Variants in TCERG1L observed in about 807,000 individuals in gnomAD.
TCERG1L encodes transcription elongation regulator 1-like protein.
A neutral mutation model predicts 56.3 loss-of-function variants in TCERG1L; 37 were observed. The ratio of observed to expected loss-of-function variants is 0.66; its 90% CI spans 0.51 to 0.87. The LOEUF (loss-of-function observed/expected upper bound fraction) is 0.87, where lower values mean the gene tolerates loss of function less well. Among genes scored for constraint, TCERG1L ranks in the 40% least tolerant of loss-of-function variants. The probability of loss-of-function intolerance (pLI) is 0.00; values close to 1 mark genes in which losing one functional copy is unlikely to be tolerated. For synonymous variants in TCERG1L, 324 were observed against 326.3 expected (o/e 0.99, Z 0.08); for missense variants, 799 against 774.2 (o/e 1.03, Z -0.38).
chr10:131,245,799 C>T (rs992973330), intron 4 of TCERG1L, among the ~76,000 whole-genome samples: 46 of 152,128 alleles, frequency 3.0e-4, no homozygotes, highest in African/African-American at 9.2e-4. Flanking sequence ...CGCACGGGGC[C>T]TTTGTATCAG....
chr10:131,220,730 G>A (rs949421324), intron 4 of TCERG1L, among the ~76,000 whole-genome samples: 2 of 152,100 alleles, frequency 1.3e-5, no homozygotes, highest in South Asian at 4.1e-4. Flanking sequence ...GCAGATCACT[G>A]AATCCCCCCA....
Position 131,214,014 on chromosome 10 carries a change from A to G in TCERG1L, c.856+46245T>C, listed in dbSNP as rs369203847. Among the ~76,000 whole-genome samples, 20 of 149,994 alleles carry G rather than the reference A, an allele frequency of 1.3e-4. No homozygotes were observed. In the South Asian group the frequency reaches 3.4e-3, roughly 26 times the overall value. ...AGGCCCACTACTTATCCAGGGATAC[A>G]AACATGCTTTTAATGTTACATACGC... On this transcript the variant is annotated intron_variant, in intron 4 of 11. Coordinates refer to ENST00000368642, the MANE Select transcript of TCERG1L (RefSeq NM_174937.4).
At chr10:131,212,060 G>A (rs1360440035) in intron 4 of TCERG1L, among the ~76,000 whole-genome samples, 3 of 152,206 alleles carry the variant, frequency 2.0e-5, no homozygotes, top group East Asian at 1.9e-4. Flanking sequence ...TGTGCTATGG[G>A]GCCACATTAT....
chr10:131,296,529 T>C (rs1442436604), intron 3 of TCERG1L, among the ~76,000 whole-genome samples: 1 of 152,208 alleles, frequency 6.6e-6, no homozygotes, highest in African/African-American at 2.4e-5. Flanking sequence ...TCCTGGTGAT[T>C]TGTCATCAGC....
rs755934156 is a variant in TCERG1L at position 131,278,338 on chromosome 10, CTTTTTT to C, written c.671-17900_671-17895del. Among the ~76,000 whole-genome samples, 585 of 137,066 alleles carry C rather than the reference CTTTTTT, an allele frequency of 4.3e-3. 11 individuals carry two copies. The East Asian group carries it at 0.068, about 16-fold the overall frequency. 89.9% of individuals were successfully genotyped at this position (137,066 alleles called of 152,430 possible). On this transcript the variant is annotated intron_variant, in intron 3 of 11. Coordinates refer to ENST00000368642, the MANE Select transcript of TCERG1L (RefSeq NM_174937.4). ...TGAGCTACATCGTCTTTTCTTTTTT[CTTTTTT>C]TTTTTTTTTTTGAGACAGAGTCTTG...
At chr10:131,299,555 A>G (rs1846737651) in intron 3 of TCERG1L, among the ~76,000 whole-genome samples, 1 of 141,642 alleles carries the variant, frequency 7.1e-6, no homozygotes, top group Non-Finnish European at 1.6e-5. Flanking sequence ...TAGAGGGAAA[A>G]CATTATCCTT....
chr10:131,134,502 C>T, intron 7 of TCERG1L, 54 bp from the exon 8 acceptor site: 1 of 1,412,548 alleles, frequency 7.1e-7, no homozygotes, highest in Non-Finnish European at 9.8e-7. Flanking sequence ...AGGGCTTTGG[C>T]AAAACCACCA....
At chr10:131,284,165 T>A (rs1207136914) in intron 3 of TCERG1L, among the ~76,000 whole-genome samples, 3 of 148,446 alleles carry the variant, frequency 2.0e-5, no homozygotes, top group African/African-American at 7.4e-5. Flanking sequence ...CTGAGAGATA[T>A]CAGGCCATAA....
intron 4 of TCERG1L, among the ~76,000 whole-genome samples, chr10:131,231,835 G>C (rs531007164): frequency 6.6e-6 from 1 of 152,150 alleles, no homozygotes; most frequent in African/African-American, 2.4e-5. Flanking sequence ...GACAAGGGGG[G>C]CTCTCCCTCT....
At chr10:131,166,431 A>G (rs991099730) in intron 5 of TCERG1L, among the ~76,000 whole-genome samples, 3 of 152,272 alleles carry the variant, frequency 2.0e-5, no homozygotes, top group African/African-American at 7.2e-5. Flanking sequence ...GTGAAGAGAA[A>G]GACCTGAAAT....
chr10:131,216,000 C>G (rs1046199133), intron 4 of TCERG1L, among the ~76,000 whole-genome samples: 2 of 152,144 alleles, frequency 1.3e-5, no homozygotes, highest in African/African-American at 4.8e-5. Context: ...CCCAGACTCC[C>G]CATGACACAG....
intron 3 of TCERG1L, among the ~76,000 whole-genome samples, chr10:131,306,688 A>C (rs1846821631): frequency 6.6e-6 from 1 of 152,184 alleles, no homozygotes; most frequent in Non-Finnish European, 1.5e-5. Context: ...AATTTAAAAA[A>C]TAGATACATC....
At chr10:131,218,602 T>C (rs1845699007) in intron 4 of TCERG1L, among the ~76,000 whole-genome samples, 1 of 152,234 alleles carries the variant, frequency 6.6e-6, no homozygotes, top group Admixed American at 6.5e-5. Context: ...CAAGCGATTC[T>C]CCTGCCTCAG....
chr10:131,155,860 G>A (rs1279143684), intron 6 of TCERG1L, among the ~76,000 whole-genome samples: 2 of 152,064 alleles, frequency 1.3e-5, no homozygotes, highest in Non-Finnish European at 2.9e-5. Context: ...CAGCTTCCCC[G>A]CCAACTCCTC....
chr10:131,125,373 C>T (rs34202781), intron 8 of TCERG1L, among the ~76,000 whole-genome samples: 41,363 of 152,110 alleles, frequency 0.27, 6,856 homozygotes, highest in Non-Finnish European at 0.37. Context: ...ACTGTTCTTT[C>T]TTCCAGCAAA....
intron 4 of TCERG1L, among the ~76,000 whole-genome samples, chr10:131,207,442 G>T (rs1358834932): frequency 6.6e-6 from 1 of 152,218 alleles, no homozygotes; most frequent in Admixed American, 6.5e-5. Flanking sequence ...GTTTACAGGT[G>T]ACACAGCGGC....
intron 4 of TCERG1L, among the ~76,000 whole-genome samples, chr10:131,216,802 C>G (rs758586655): frequency 2.6e-5 from 4 of 152,216 alleles, no homozygotes; most frequent in Non-Finnish European, 4.4e-5. Flanking sequence ...GGGGTGCACA[C>G]AGGCATCGGA....
intron 4 of TCERG1L, among the ~76,000 whole-genome samples, chr10:131,203,751 C>A (rs2918129): frequency 1.3e-5 from 2 of 152,096 alleles, no homozygotes; most frequent in South Asian, 2.1e-4. Context: ...TCACATCCCG[C>A]CGGCGAGCGC....
intron 4 of TCERG1L, among the ~76,000 whole-genome samples, chr10:131,246,293 G>A (rs77276637): frequency 0.12 from 18,116 of 152,186 alleles, 1,469 homozygotes; most frequent in East Asian, 0.26. Flanking sequence ...GAAGCATGGC[G>A]AGCACCATGA....
Sources: gnomAD v4.1 joint callset for allele counts (sites outside exome capture counted in the v4.1 genomes callset) on GRCh38, gnomAD v4.1.1 for gene constraint, MANE v1.5 for transcripts, NCBI Gene and HGNC (gene_info 2026-07-23, HGNC 2026-07-21) for gene names.